SYT14: variants seen among roughly 807,000 people sequenced by gnomAD.
SYT14 encodes the protein synaptotagmin 14.
SYT14 carries 32 observed loss-of-function variants against 74.2 expected under a neutral mutation model. The ratio of observed to expected loss-of-function variants is 0.43; its 90% CI spans 0.33 to 0.58. The LOEUF (loss-of-function observed/expected upper bound fraction) is 0.58. Ranked by LOEUF, SYT14 falls within the 20% of genes least tolerant of loss-of-function variation. The pLI is 0.05. For synonymous variants in SYT14, 298 were observed against 337.7 expected (o/e 0.88, Z 1.29); for missense variants, 791 against 981.8 (o/e 0.81, Z 2.60).
intron 2 of SYT14, among the ~76,000 whole-genome samples, chr1:209,993,942 AAG>A (rs2079740130): frequency 6.6e-6 from 1 of 152,202 alleles, no homozygotes; most frequent in Admixed American, 6.5e-5. Flanking sequence ...AACCAAGTGC[AAG>A]TGTTTACCTA....
At chr1:209,989,003 C>T (rs932603570) in intron 2 of SYT14, among the ~76,000 whole-genome samples, 3 of 152,242 alleles carry the variant, frequency 2.0e-5, no homozygotes, top group Admixed American at 6.5e-5. Flanking sequence ...GTACAGTGAC[C>T]GCACTGTCCC....
chr1:209,942,365 C>CCG (rs1553256196), intron 1 of SYT14, among the ~76,000 whole-genome samples: 2 of 127,418 alleles, frequency 1.6e-5, no homozygotes, highest in African/African-American at 6.6e-5. Flanking sequence ...AATTTACCCC[C>CCG]CCCCCCCCGC....
intron 2 of SYT14, among the ~76,000 whole-genome samples, chr1:209,961,392 C>A (rs1476367149): frequency 6.6e-6 from 1 of 152,016 alleles, no homozygotes; most frequent in African/African-American, 2.4e-5. Context: ...AGTAACTTTT[C>A]TTTTTTCTAG....
At chr1:210,012,797 G>T (rs2080110820) in intron 2 of SYT14, among the ~76,000 whole-genome samples, 1 of 151,344 alleles carries the variant, frequency 6.6e-6, no homozygotes. Context: ...TGCCTCTCAG[G>T]TTTAAGTGAG....
chr1:209,946,244 C>T (rs2078821884), intron 1 of SYT14, among the ~76,000 whole-genome samples: 1 of 152,206 alleles, frequency 6.6e-6, no homozygotes, highest in Admixed American at 6.5e-5. Context: ...TCACATGTCT[C>T]TCACTTTAAA....
At chr1:210,104,705 A>T (rs1408530936) in intron 7 of SYT14, among the ~76,000 whole-genome samples, 2 of 152,150 alleles carry the variant, frequency 1.3e-5, no homozygotes, top group African/African-American at 2.4e-5. Flanking sequence ...ATTTGTTAAT[A>T]TTATTACATT....
chr1:210,098,377 A>G (rs1242895894), intron 6 of SYT14, among the ~76,000 whole-genome samples: 1 of 152,170 alleles, frequency 6.6e-6, no homozygotes, highest in Non-Finnish European at 1.5e-5. Context: ...TTGTTTAACA[A>G]CAGTGCAGGG....
At chr1:210,145,942 T>C (rs1044474812) in intron 7 of SYT14, among the ~76,000 whole-genome samples, 6 of 152,224 alleles carry the variant, frequency 3.9e-5, no homozygotes, top group Non-Finnish European at 7.3e-5. Flanking sequence ...ATCTATTCCC[T>C]AGTACAGTGC....
chr1:210,154,856 G>A (rs1234452933), intron 7 of SYT14, among the ~76,000 whole-genome samples: 2 of 152,062 alleles, frequency 1.3e-5, no homozygotes, highest in Non-Finnish European at 2.9e-5. Flanking sequence ...ATTATATTTT[G>A]TAGTTATTAG....
At chr1:210,062,749 A>C (rs2081228935) in intron 5 of SYT14, among the ~76,000 whole-genome samples, 1 of 151,880 alleles carries the variant, frequency 6.6e-6, no homozygotes, top group Non-Finnish European at 1.5e-5. Context: ...CTTATATTTT[A>C]ATTTACATTT....
At chr1:209,963,682 A>G (rs918951111) in intron 2 of SYT14, among the ~76,000 whole-genome samples, 4 of 152,220 alleles carry the variant, frequency 2.6e-5, no homozygotes, top group Non-Finnish European at 4.4e-5. Context: ...TTTCAACCCC[A>G]GAAGTTAGGT....
intron 5 of SYT14, among the ~76,000 whole-genome samples, chr1:210,038,985 A>G (rs965652548): frequency 6.6e-5 from 10 of 152,042 alleles, no homozygotes; most frequent in Admixed American, 3.3e-4. Context: ...CCTCAATTTT[A>G]TCCTCAAATA....
intron 5 of SYT14, among the ~76,000 whole-genome samples, chr1:210,092,832 A>G (rs2081899615): frequency 6.6e-6 from 1 of 152,248 alleles, no homozygotes; most frequent in Non-Finnish European, 1.5e-5. Flanking sequence ...TACCAAACAT[A>G]CAGACTTTTT....
At chr1:210,161,112 A>G in exon 10 of SYT14, 1 of 1,515,736 alleles carries the variant, frequency 6.6e-7, no homozygotes, top group East Asian at 2.3e-5. Flanking sequence ...TGTTTCTACC[A>G]AGTCCCATTA....
At chr1:210,120,300 A>G (rs1266150201) in intron 7 of SYT14, among the ~76,000 whole-genome samples, 1 of 151,970 alleles carries the variant, frequency 6.6e-6, no homozygotes, top group Admixed American at 6.6e-5. Flanking sequence ...CAGATCACAT[A>G]ATTGATGGTG....
intron 5 of SYT14, among the ~76,000 whole-genome samples, chr1:210,072,490 A>T (rs919335112): frequency 6.6e-6 from 1 of 152,038 alleles, no homozygotes; most frequent in Non-Finnish European, 1.5e-5. Context: ...AATGCTGCCC[A>T]TAGTATTATA....
intron 9 of SYT14, 88 bp from the exon 9 acceptor site, chr1:210,160,641 A>T (rs962648760): frequency 1.7e-6 from 2 of 1,158,562 alleles, no homozygotes; most frequent in Non-Finnish European, 2.5e-6. Flanking sequence ...CTTATAAAGT[A>T]TAAATACTTA....
intron 7 of SYT14, among the ~76,000 whole-genome samples, chr1:210,120,377 T>TTG (rs1335034445): frequency 7.4e-5 from 9 of 122,434 alleles, no homozygotes; most frequent in African/African-American, 4.2e-4. Flanking sequence ...TTTTTTTTTT[T>TTG]TTGTTTGAGA....
At chr1:210,132,174 C>G (rs1267332182) in intron 7 of SYT14, among the ~76,000 whole-genome samples, 1 of 152,096 alleles carries the variant, frequency 6.6e-6, no homozygotes. Context: ...GGCTCTACAC[C>G]CCAGGCAAGG....
Sources: allele counts gnomAD v4.1 joint callset (sites outside exome capture counted in the v4.1 genomes callset), GRCh38; gene constraint gnomAD v4.1.1; transcripts MANE v1.5; gene names NCBI Gene and HGNC (gene_info 2026-07-23, HGNC 2026-07-21).